GTF2H2C: variants seen among roughly 807,000 people sequenced by gnomAD.
The protein encoded by GTF2H2C is general transcription factor IIH subunit 2-like protein.
Under a neutral mutation model 24.8 loss-of-function variants are expected in GTF2H2C, and 5 were observed. The ratio of observed to expected loss-of-function variants is 0.20; its 90% CI spans 0.11 to 0.42. GTF2H2C has a LOEUF of 0.42. GTF2H2C is among the 20% of genes least tolerant of loss of function. The pLI, the probability that GTF2H2C is intolerant of heterozygous loss-of-function variation, is 1.00. For synonymous variants in GTF2H2C, 14 were observed against 52.6 expected, an observed-to-expected ratio of 0.27 and a Z score of 3.18; for missense variants, 45 against 169.8, an observed-to-expected ratio of 0.27 and a Z score of 4.08.
chr5:69,573,174 A>ACACAC (rs1322222597), intron 9 of GTF2H2C, among the ~76,000 whole-genome samples: 1 of 145,666 alleles, frequency 6.9e-6, no homozygotes, highest in African/African-American at 2.5e-5. Flanking sequence ...ACACACACAC[A>ACACAC]CACACACACG....
intron 1 of GTF2H2C, among the ~76,000 whole-genome samples, chr5:69,561,874 A>G (rs1197151795): frequency 6.6e-6 from 1 of 151,846 alleles, no homozygotes. Flanking sequence ...AACTCAAGCA[A>G]TCCTTTTGCC....
chr5:69,568,473 G>A, intron 8 of GTF2H2C: 1 of 233,342 alleles, frequency 4.3e-6, no homozygotes. Context: ...TGCTTATCCT[G>A]AAATTTTTTT....
At chr5:69,577,412 G>T (rs1249426661) in intron 9 of GTF2H2C, among the ~76,000 whole-genome samples, 1 of 141,450 alleles carries the variant, frequency 7.1e-6, no homozygotes, top group East Asian at 2.1e-4. Context: ...AGTGTAAACA[G>T]AACTTTTCTT....
chr5:69,577,889 ATTTTTGG>A, intron 9 of GTF2H2C: 1 of 82,946 alleles, frequency 1.2e-5, no homozygotes, highest in South Asian at 9.6e-5. Flanking sequence ...CGCATCAAAA[ATTTTTGG>A]AAAAAAATTG....
At chr5:69,561,680 C>T (rs1036678855) in intron 1 of GTF2H2C, among the ~76,000 whole-genome samples, 2 of 151,182 alleles carry the variant, frequency 1.3e-5, no homozygotes, top group African/African-American at 4.9e-5. Flanking sequence ...GAGATAGGGT[C>T]TCACTCTGTC....
chr5:69,568,409 T>C (rs1418368803), intron 8 of GTF2H2C: 11 of 581,228 alleles, frequency 1.9e-5, no homozygotes, highest in Admixed American at 1.3e-4. Flanking sequence ...TTCTGCATCA[T>C]AGTGGTAAAT....
chr5:69,589,994 C>T (rs1771915138), intron 15 of GTF2H2C, among the ~76,000 whole-genome samples: 1 of 134,574 alleles, frequency 7.4e-6, no homozygotes, highest in Non-Finnish European at 1.6e-5. Flanking sequence ...AAGCGATTCT[C>T]CTGCGTCAGC....
intron 2 of GTF2H2C, among the ~76,000 whole-genome samples, chr5:69,563,200 C>A (rs118025410): frequency 9.9e-5 from 14 of 141,206 alleles, no homozygotes; most frequent in African/African-American, 3.6e-4. Context: ...GCCATCATAC[C>A]CGGCCTGGTT....
At chr5:69,563,368 C>A (rs1770519068) in intron 2 of GTF2H2C, among the ~76,000 whole-genome samples, 1 of 151,390 alleles carries the variant, frequency 6.6e-6, no homozygotes, top group East Asian at 2.0e-4. Flanking sequence ...GCACCTGCCA[C>A]CATGCCCAAC....
chr5:69,580,084 ACT>A (rs1271849903), intron 12 of GTF2H2C, among the ~76,000 whole-genome samples: 2 of 140,900 alleles, frequency 1.4e-5, no homozygotes, highest in Non-Finnish European at 3.0e-5. Context: ...AAAGGTATAA[ACT>A]GTGTTTATAG....
intron 12 of GTF2H2C, among the ~76,000 whole-genome samples, chr5:69,581,264 G>T (rs11261467): frequency 0.9 from 102,305 of 114,004 alleles, 46,489 homozygotes; most frequent in African/African-American, 0.97. Flanking sequence ...ATTACATTTA[G>T]ATTGAAAAAA....
At chr5:69,563,652 G>A (rs1217263336) in intron 2 of GTF2H2C, among the ~76,000 whole-genome samples, 4 of 152,040 alleles carry the variant, frequency 2.6e-5, no homozygotes. Context: ...AGTAAACATA[G>A]TACCTGATAG....
At position 69,566,461 on chromosome 5, in the gene GTF2H2C, G is replaced by A. The variant is rs1213686058; in HGVS notation, c.135-128G>A. 8.7e-6 allele frequency: 13 copies of A among 1,493,730 alleles called. 1 individual carries two copies. In the African/African-American group the frequency reaches 1.0e-4, roughly 11 times the overall value. 92.5% of individuals were successfully genotyped at this position (1,493,730 alleles called of 1,614,324 possible). A position where few individuals can be genotyped will look rare whatever the true frequency, so the allele number is the denominator to read the frequency against. On this transcript the variant is annotated intron_variant, in intron 4 of 16. Transcript: ENST00000380729. ...ATTATTTACTCCACTAAAAATGCAC[G>A]TTATGACATTCTTAATCAGAATTAG...
At chr5:69,585,883 G>A (rs1771724864) in intron 14 of GTF2H2C, among the ~76,000 whole-genome samples, 186 bp downstream of exon 14, 1 of 15,910 alleles carries the variant, frequency 6.3e-5, no homozygotes, top group South Asian at 4.2e-3. Context: ...TAGCATTCTA[G>A]TTTCCTGATC....
At chr5:69,568,956 C>CAT (rs1770940649) in intron 8 of GTF2H2C, 1 of 100,680 alleles carries the variant, frequency 9.9e-6, no homozygotes, top group Non-Finnish European at 2.1e-5. Context: ...GCTTCCATGA[C>CAT]ATACCTAACT....
intron 1 of GTF2H2C, among the ~76,000 whole-genome samples, chr5:69,561,079 T>C (rs1171868491): frequency 5.9e-5 from 9 of 151,984 alleles, no homozygotes; most frequent in African/African-American, 2.2e-4. Context: ...AAGAAGAAAA[T>C]GGACTGTTGG....
chr5:69,573,607 A>G (rs1580637473), intron 9 of GTF2H2C, among the ~76,000 whole-genome samples: 1 of 4,334 alleles, frequency 2.3e-4, no homozygotes, highest in East Asian at 3.1e-3. Context: ...GACGATAACA[A>G]TGAAAATATA....
chr5:69,573,246 C>T (rs1345596998), intron 9 of GTF2H2C, among the ~76,000 whole-genome samples: 2 of 133,912 alleles, frequency 1.5e-5, no homozygotes, highest in Non-Finnish European at 3.2e-5. Context: ...CATGCAGTGG[C>T]GTGATCTCAG....
At chr5:69,573,184 G>A (rs9763784) in intron 9 of GTF2H2C, among the ~76,000 whole-genome samples, 2,055 of 59,320 alleles carry the variant, frequency 0.035, 13 homozygotes, top group African/African-American at 0.1. Flanking sequence ...ACACACACAC[G>A]TATATATATA....
Sources: allele counts gnomAD v4.1 joint callset (sites outside exome capture counted in the v4.1 genomes callset), GRCh38; gene constraint gnomAD v4.1.1; transcripts MANE v1.5; gene names NCBI Gene and HGNC (gene_info 2026-07-23, HGNC 2026-07-21).